The following SLC44A5 variants were observed in gnomAD, a reference collection of about 807,000 sequenced individuals.
SLC44A5 encodes solute carrier family 44 member 5.
In SLC44A5, 57 loss-of-function variants were observed where a neutral mutation model predicts 101.8. The ratio of observed to expected loss-of-function variants is 0.56; its 90% CI spans 0.45 to 0.70. The LOEUF (loss-of-function observed/expected upper bound fraction) is 0.70. SLC44A5 is among the 30% of genes least tolerant of loss of function. The probability of loss-of-function intolerance (pLI) is 0.00; values close to 1 mark genes in which losing one functional copy is unlikely to be tolerated. For missense variants in SLC44A5, 737 were observed against 853.1 expected, an observed-to-expected ratio of 0.86 and a Z score of 1.70; for synonymous variants, 281 against 290.9, an observed-to-expected ratio of 0.97 and a Z score of 0.35.
At position 75,388,704 on chromosome 1, in the gene SLC44A5, G is replaced by A. The variant is rs538711643; in HGVS notation, c.52+7879C>T. On this transcript the variant is annotated intron_variant, in intron 3 of 23. Transcript: ENST00000370859. ...TGAGGCAGGAGAATGGCATGAACCC[G>A]GGAGGCAGAGCTTGCAGTGAGCCGA... Among the ~76,000 whole-genome samples, 9 of 151,882 alleles carry A rather than the reference G, an allele frequency of 5.9e-5. No homozygotes were observed. The East Asian group carries it at 9.7e-4, about 16-fold the overall frequency.
intron 2 of SLC44A5, among the ~76,000 whole-genome samples, chr1:75,532,849 G>T (rs890137067): frequency 6.6e-6 from 1 of 151,966 alleles, no homozygotes; most frequent in East Asian, 1.9e-4. Context: ...AGACAAGCCT[G>T]GGCAACATAG....
At chr1:75,623,518 G>T in the SLC44A5 span, among the ~76,000 whole-genome samples, 1 of 151,686 alleles carries the variant, frequency 6.6e-6, no homozygotes, top group East Asian at 1.9e-4. Context: ...CTTTTATATT[G>T]TGTATACTAT....
In SLC44A5 at chr1:75,227,861, GA is replaced by G. The variant is rs778591676; in HGVS notation, c.854-5del. ...TGCTGGTAACAGTGCCATATTCCTTGAAAAAGAAAGAAAAACAGAATAATAT... is the reference window on the plus strand; with the variant it reads ...TGCTGGTAACAGTGCCATATTCCTTGAAAAGAAAGAAAAACAGAATAATAT... On this transcript the variant is annotated splice_region_variant and splice_polypyrimidine_tract_variant and intron_variant, in intron 12 of 23. Coordinates refer to ENST00000370859, the MANE Select transcript of SLC44A5 (RefSeq NM_001130058.2). 3 of 1,576,258 alleles carry G rather than the reference GA, an allele frequency of 1.9e-6. No individual in the cohort carries two copies. The highest frequency in any genetic ancestry group is 2.6e-6 in the Non-Finnish European group (3 of 1,168,260).
chr1:75,217,084 G>A (rs1232705845), intron 18 of SLC44A5, among the ~76,000 whole-genome samples: 1 of 151,854 alleles, frequency 6.6e-6, no homozygotes, highest in African/African-American at 2.4e-5. Context: ...TAGTTTTTGT[G>A]CTTTTGTTTA....
intron 2 of SLC44A5, among the ~76,000 whole-genome samples, chr1:75,497,198 A>G (rs1327970118): frequency 6.6e-6 from 1 of 152,172 alleles, no homozygotes; most frequent in Non-Finnish European, 1.5e-5. Flanking sequence ...TGTTCATTGC[A>G]GCATTATTCA....
At chr1:75,612,542 G>A (rs377135090), upstream of SLC44A5, among the ~76,000 whole-genome samples, 9 of 152,196 alleles carry the variant, frequency 5.9e-5, no homozygotes, top group African/African-American at 1.9e-4. Flanking sequence ...AAAATCATTT[G>A]CTCGCACATC....
the SLC44A5 span, among the ~76,000 whole-genome samples, chr1:75,638,454 A>G: frequency 6.6e-6 from 1 of 152,128 alleles, no homozygotes. Context: ...CCTGCAAGGA[A>G]TCAGGAAAAG....
At chr1:75,309,732 G>T (rs545261306) in intron 4 of SLC44A5, among the ~76,000 whole-genome samples, 1 of 152,316 alleles carries the variant, frequency 6.6e-6, no homozygotes, top group South Asian at 2.1e-4. Flanking sequence ...TAGGCATTCG[G>T]TACATACCTA....
At chr1:75,411,673 C>T (rs1056042902) in intron 2 of SLC44A5, among the ~76,000 whole-genome samples, 1 of 151,954 alleles carries the variant, frequency 6.6e-6, no homozygotes, top group African/African-American at 2.4e-5. Flanking sequence ...AAAATAAACT[C>T]TAGTATGCCT....
At chr1:75,231,668 T>G (rs1190272224) in intron 12 of SLC44A5, among the ~76,000 whole-genome samples, 1 of 152,190 alleles carries the variant, frequency 6.6e-6, no homozygotes, top group African/African-American at 2.4e-5. Flanking sequence ...AAGCATTATT[T>G]TGTTTAGTAG....
At chr1:75,403,115 CAA>C (rs1255981821) in intron 2 of SLC44A5, among the ~76,000 whole-genome samples, 1 of 152,308 alleles carries the variant, frequency 6.6e-6, no homozygotes, top group East Asian at 1.9e-4. Flanking sequence ...CACAGCACTG[CAA>C]AGACACTGTA....
intron 2 of SLC44A5, among the ~76,000 whole-genome samples, chr1:75,501,747 G>C (rs1668969531): frequency 1.3e-5 from 2 of 152,136 alleles, no homozygotes. Flanking sequence ...TTACACAGAG[G>C]CTTCTTGCTG....
chr1:75,439,279 T>C (rs1305548536), intron 2 of SLC44A5, among the ~76,000 whole-genome samples: 1 of 152,114 alleles, frequency 6.6e-6, no homozygotes, highest in South Asian at 2.1e-4. Flanking sequence ...CTTAGGTTTC[T>C]CCACCTTTGG....
At chr1:75,595,148 C>T (rs1403474025) in intron 1 of SLC44A5, among the ~76,000 whole-genome samples, 2 of 151,984 alleles carry the variant, frequency 1.3e-5, no homozygotes, top group Non-Finnish European at 2.9e-5. Flanking sequence ...TCTTCTAGTG[C>T]TTCAGAAATA....
chr1:75,682,075 C>A, the SLC44A5 span, among the ~76,000 whole-genome samples: 116 of 152,286 alleles, frequency 7.6e-4, no homozygotes, highest in East Asian at 0.014. Flanking sequence ...TCAAGGAGAA[C>A]TACAAACCGC....
chr1:75,439,161 A>T (rs544229316), intron 2 of SLC44A5, among the ~76,000 whole-genome samples: 6 of 152,122 alleles, frequency 3.9e-5, no homozygotes, highest in African/African-American at 1.4e-4. Context: ...AGTGGATTCC[A>T]TATAAAAGAA....
chr1:75,459,844 G>T (rs1307375855), intron 2 of SLC44A5, among the ~76,000 whole-genome samples: 1 of 152,166 alleles, frequency 6.6e-6, no homozygotes, highest in South Asian at 2.1e-4. Context: ...TTTAGATAGG[G>T]TCTCACTATG....
intron 6 of SLC44A5, among the ~76,000 whole-genome samples, chr1:75,254,875 T>C (rs957728203): frequency 6.6e-6 from 1 of 152,078 alleles, no homozygotes; most frequent in Non-Finnish European, 1.5e-5. Context: ...AATACCAGCA[T>C]CCAGAAAATA....
At position 75,251,234 on chromosome 1, in the gene SLC44A5, T is replaced by C. The variant is rs1649544707; in HGVS notation, c.321A>G (p.Leu107=). 1 of 1,613,488 alleles carries C rather than the reference T, an allele frequency of 6.2e-7. No homozygotes were observed. Among genetic ancestry groups the C allele is most frequent in the South Asian group, 1.1e-5 (1 of 91,048 alleles). ...CCTGTGTGGTAGGGCACTGTAGGTT[T>C]AGCAACACGGAGGGACTGGTACAGC... The part of the protein sequence containing the change: ...LLRCTSPSVL[L]NLQCPTTQIC... Residue 107 remains leucine (L), a synonymous_variant, in exon 7 of 24, where the codon CTA becomes CTG. Coordinates refer to ENST00000370859, the MANE Select transcript of SLC44A5 (RefSeq NM_001130058.2).
Sources: allele counts gnomAD v4.1 joint callset (sites outside exome capture counted in the v4.1 genomes callset), GRCh38; gene constraint gnomAD v4.1.1; transcripts MANE v1.5; gene names NCBI Gene and HGNC (gene_info 2026-07-23, HGNC 2026-07-21).